Variants in VIPR2 observed in about 807,000 individuals in gnomAD.
The protein encoded by VIPR2 is vasoactive intestinal peptide receptor 2.
In VIPR2, 48 loss-of-function variants were observed where a neutral mutation model predicts 58.0. The ratio of observed to expected loss-of-function variants is 0.83; its 90% confidence interval spans 0.66 to 1.05. The LOEUF is 1.05. Among genes scored for constraint, VIPR2 ranks in the 50% least tolerant of loss-of-function variants. The pLI, the probability that VIPR2 is intolerant of heterozygous loss-of-function variation, is 0.00. For synonymous variants in VIPR2, 243 were observed against 235.2 expected, an observed-to-expected ratio of 1.03 and a Z score of -0.30; for missense variants, 534 against 558.0, an observed-to-expected ratio of 0.96 and a Z score of 0.43.
intron 2 of VIPR2, among the ~76,000 whole-genome samples, chr7:159,113,976 A>G (rs1309198585): frequency 1.3e-5 from 2 of 152,228 alleles, no homozygotes; most frequent in African/African-American, 2.4e-5. Context: ...GAGGGGCCGG[A>G]GACTATTATC....
chr7:159,117,477 T>C, intron 2 of VIPR2: 1 of 710,336 alleles, frequency 1.4e-6, no homozygotes, highest in Non-Finnish European at 2.6e-6. Flanking sequence ...ATGCAGGACG[T>C]CATCTCAGAG....
At chr7:159,137,528 C>T (rs983654018) in intron 2 of VIPR2, among the ~76,000 whole-genome samples, 2 of 152,238 alleles carry the variant, frequency 1.3e-5, no homozygotes, top group South Asian at 2.1e-4. Context: ...AGGTGTGTGT[C>T]ACCACACCAG....
chr7:159,035,058 C>G (rs1473163442), intron 8 of VIPR2, among the ~76,000 whole-genome samples: 3 of 152,222 alleles, frequency 2.0e-5, no homozygotes, highest in African/African-American at 7.2e-5. Context: ...CTTAGAGCCA[C>G]CAGCTCTCCA....
rs757708909 is a variant in VIPR2 at position 159,031,936 on chromosome 7, A to G, written c.1101+2T>C. ...GGAGGGCGGCCGCCTCCGCACACCTACCTGGAACGACCCGAGGCACAGCTC... is the reference window on the plus strand; with the variant it reads ...GGAGGGCGGCCGCCTCCGCACACCTGCCTGGAACGACCCGAGGCACAGCTC... On this transcript the variant is annotated splice_donor_variant, in intron 11 of 12. Transcript: ENST00000262178. LOFTEE classifies it high-confidence loss of function. The surrounding 1 kb of genome is among the most constrained non-coding windows in gnomAD (Gnocchi z 4.0). 1.1e-5 allele frequency: 17 copies of G among 1,614,022 alleles called. No individual in the cohort carries two copies. The highest frequency in any genetic ancestry group is 8.0e-5 in the African/African-American group (6 of 74,928).
chr7:159,069,341 C>T (rs114802875), intron 4 of VIPR2, among the ~76,000 whole-genome samples: 1 of 152,144 alleles, frequency 6.6e-6, no homozygotes, highest in African/African-American at 2.4e-5. Flanking sequence ...CTGGAACCCA[C>T]GTGCAGTCTG....
intron 4 of VIPR2, among the ~76,000 whole-genome samples, chr7:159,085,616 G>A (rs1404331492): frequency 6.6e-6 from 1 of 152,212 alleles, no homozygotes; most frequent in East Asian, 1.9e-4. Flanking sequence ...TTAAGGACAC[G>A]GCTGTCACGC....
At chr7:159,119,356 G>T (rs1796365654) in intron 2 of VIPR2, among the ~76,000 whole-genome samples, 1 of 152,210 alleles carries the variant, frequency 6.6e-6, no homozygotes, top group African/African-American at 2.4e-5. Flanking sequence ...AGGTAGAGCT[G>T]GGTGCACGGG....
rs150804004 is a variant in VIPR2 at position 159,058,551 on chromosome 7, T to C, written c.385A>G (p.Ile129Val). ...GAGACACTGTAGCCCAGTGTATAAA[T>C]GGCCTTCACCAGAATATAAAACGTG... ...KITFYILVKA[I>V]YTLGYSVSLM... is the part of the protein sequence containing the mutation. Residue 129 changes from isoleucine (I) to valine (V), a missense_variant, in exon 5 of 13, where the codon ATT becomes GTT. Coordinates refer to ENST00000262178, the MANE Select transcript of VIPR2 (RefSeq NM_003382.5). 1.2e-6 allele frequency: 2 copies of C among 1,613,060 alleles called. No homozygotes were observed. The highest frequency in any genetic ancestry group is 2.7e-5 in the African/African-American group (2 of 74,932).
chr7:159,137,045 C>G (rs538632196), intron 2 of VIPR2, among the ~76,000 whole-genome samples: 1 of 152,194 alleles, frequency 6.6e-6, no homozygotes, highest in Non-Finnish European at 1.5e-5. Flanking sequence ...CTTGCTGTGT[C>G]TGGGGTCACC....
intron 3 of VIPR2, among the ~76,000 whole-genome samples, chr7:159,104,465 C>G (rs1485019889): frequency 6.7e-6 from 1 of 149,110 alleles, no homozygotes; most frequent in African/African-American, 2.5e-5. Context: ...AGCACCCTTG[C>G]CACTGATGGT....
chr7:159,030,642 G>T lies in VIPR2; in HGVS notation c.1291C>A (p.Leu431Met). The change falls in exon 13 of 13, where the codon CTG becomes ATG. Residue 431 changes from leucine (L) to methionine (M), a missense_variant. By Grantham distance (15) the Leu-to-Met change is conservative. Around this residue, in one of 3 missense-constraint regions of VIPR2, gnomAD observed 306 missense variants for 285.8 expected, o/e 1.07. Coordinates refer to ENST00000262178, the MANE Select transcript of VIPR2 (RefSeq NM_003382.5). ...TAGATGACCGAGGTCTCCGTTTGCA[G>T]GAAGGACTGGGCGCGGGAGCCGCGG... ...FHRGSRAQSF[L>M]QTETSVI 1 of 1,554,810 alleles carries T rather than the reference G, an allele frequency of 6.4e-7. No homozygotes were observed. Among genetic ancestry groups the T allele is most frequent in the Non-Finnish European group, 8.7e-7 (1 of 1,150,626 alleles).
At chr7:159,091,890 G>A (rs886469937) in intron 4 of VIPR2, among the ~76,000 whole-genome samples, 7 of 152,246 alleles carry the variant, frequency 4.6e-5, no homozygotes, top group Non-Finnish European at 1.0e-4. Flanking sequence ...CACTTTGGGA[G>A]GCTGAGGCGG....
intron 3 of VIPR2, among the ~76,000 whole-genome samples, chr7:159,107,043 G>T (rs1474612132): frequency 6.6e-6 from 1 of 152,088 alleles, no homozygotes; most frequent in South Asian, 2.1e-4. Flanking sequence ...GCACACTCTC[G>T]CCCACTTGCA....
At chr7:159,036,493 T>C (rs1054479509) in intron 7 of VIPR2, among the ~76,000 whole-genome samples, 4 of 152,160 alleles carry the variant, frequency 2.6e-5, no homozygotes, top group African/African-American at 9.7e-5. Context: ...GAAACCGTTT[T>C]GTTACTTGTT....
intron 2 of VIPR2, among the ~76,000 whole-genome samples, chr7:159,141,193 G>A (rs888278902): frequency 6.6e-6 from 1 of 152,206 alleles, no homozygotes; most frequent in Non-Finnish European, 1.5e-5. Flanking sequence ...CATCTCCTGG[G>A]CCGCATCAGC....
chr7:159,083,483 C>A (rs1337390753), intron 4 of VIPR2, among the ~76,000 whole-genome samples: 2 of 152,198 alleles, frequency 1.3e-5, no homozygotes, highest in African/African-American at 4.8e-5. Flanking sequence ...TCCAGCTCCA[C>A]CTTTCCATAA....
intron 2 of VIPR2, among the ~76,000 whole-genome samples, chr7:159,112,275 C>A (rs1234005737): frequency 6.6e-6 from 1 of 152,192 alleles, no homozygotes; most frequent in Non-Finnish European, 1.5e-5. Flanking sequence ...GGGAGCAGAG[C>A]TAGACGCTGT....
At chr7:159,091,647 C>T (rs1006237805) in intron 4 of VIPR2, among the ~76,000 whole-genome samples, 2 of 152,160 alleles carry the variant, frequency 1.3e-5, no homozygotes, top group Non-Finnish European at 2.9e-5. Context: ...AGTGGGGGAA[C>T]GAGGGGCCAT....
At chr7:159,132,431 A>G (rs1796955618) in intron 2 of VIPR2, among the ~76,000 whole-genome samples, 1 of 149,940 alleles carries the variant, frequency 6.7e-6, no homozygotes. Flanking sequence ...CCAGAGTGAA[A>G]CTGGGTGTTC....
Sources: allele counts gnomAD v4.1 joint callset (sites outside exome capture counted in the v4.1 genomes callset), GRCh38; gene constraint gnomAD v4.1.1; regional missense constraint gnomAD v4.1.1; non-coding constraint Gnocchi (gnomAD v3.1); transcripts MANE v1.5; gene names NCBI Gene and HGNC (gene_info 2026-07-23, HGNC 2026-07-21).